Variants in MCC observed in about 807,000 individuals in gnomAD.
MCC encodes MCC regulator of Wnt signaling pathway.
In MCC, 90 loss-of-function variants were observed where a neutral mutation model predicts 116.2. The ratio of observed to expected loss-of-function variants is 0.77; its 90% CI spans 0.65 to 0.92. The LOEUF is 0.92. Ranked by LOEUF, MCC falls within the 40% of genes least tolerant of loss-of-function variation. The probability of loss-of-function intolerance (pLI) is 0.00; values close to 1 mark genes in which losing one functional copy is unlikely to be tolerated. For synonymous variants in MCC, 578 were observed against 510.5 expected (o/e 1.13, Z -1.78); for missense variants, 1,516 against 1,312.2 (o/e 1.16, Z -2.40).
At chr5:113,488,173 C>T (rs1772598421) in intron 1 of MCC, 72 bp downstream of exon 1, 5 of 1,438,732 alleles carry the variant, frequency 3.5e-6, no homozygotes, top group South Asian at 1.4e-5. Context: ...GGCGAGGGGG[C>T]AGAGCAGGGG....
At chr5:113,469,588 G>A (rs1037295162) in intron 1 of MCC, among the ~76,000 whole-genome samples, 2 of 152,178 alleles carry the variant, frequency 1.3e-5, no homozygotes, top group Non-Finnish European at 2.9e-5. Flanking sequence ...TTGCTGAGGA[G>A]TGCTTTACTT....
Position 113,064,160 on chromosome 5 carries a change from C to G in MCC, c.2037G>C (p.Gln679His). The change falls in exon 14 of 19, where the codon CAG becomes CAC. Residue 679 changes from glutamine (Q) to histidine (H), a missense_variant. Gln to His is a conservative substitution (Grantham distance 24, BLOSUM62 0). Coordinates refer to ENST00000408903, the MANE Select transcript of MCC (RefSeq NM_001085377.2). The part of the protein sequence containing the change: ...AAGVGSSPGD[Q>H]SGDENITQML... ...TCTGAGTGATGTTTTCATCCCCCGACTGGTCTCCTATGTGGCAGAGAAGCC... is the reference window on the plus strand; with the variant it reads ...TCTGAGTGATGTTTTCATCCCCCGAGTGGTCTCCTATGTGGCAGAGAAGCC... 6.2e-7 allele frequency: 1 copy of G among 1,610,434 alleles called. No individual in the cohort carries two copies. The highest frequency in any genetic ancestry group is 8.5e-7 in the Non-Finnish European group (1 of 1,177,794).
intron 11 of MCC, 147 bp from the exon 12 acceptor site, chr5:113,071,381 C>A: frequency 1.2e-6 from 1 of 813,452 alleles, no homozygotes; most frequent in African/African-American, 1.7e-5. Flanking sequence ...GTCAAAGAAG[C>A]AACTCTACAT....
chr5:113,372,904 C>T (rs945528388), intron 2 of MCC, among the ~76,000 whole-genome samples: 42 of 150,488 alleles, frequency 2.8e-4, no homozygotes, highest in Non-Finnish European at 4.7e-4. Context: ...TCTGTCCGGG[C>T]GTGGTGGCTC....
chr5:113,063,106 G>A (rs1422451010), intron 14 of MCC, among the ~76,000 whole-genome samples: 1 of 152,196 alleles, frequency 6.6e-6, no homozygotes, highest in African/African-American at 2.4e-5. Context: ...CTGAGCCAAG[G>A]TTTCCTAACC....
chr5:113,324,146 T>C (rs1767490737), intron 3 of MCC, among the ~76,000 whole-genome samples: 1 of 152,194 alleles, frequency 6.6e-6, no homozygotes, highest in Admixed American at 6.5e-5. Context: ...AGGATTTTGC[T>C]GGTTTCTATA....
intron 8 of MCC, among the ~76,000 whole-genome samples, chr5:113,087,738 T>G (rs1355864252): frequency 1.3e-5 from 2 of 151,580 alleles, no homozygotes; most frequent in Admixed American, 6.6e-5. Context: ...CAATCAGTGG[T>G]CTGTTCTTAG....
chr5:113,185,580 CA>C (rs1561437916), intron 3 of MCC, among the ~76,000 whole-genome samples: 1 of 152,050 alleles, frequency 6.6e-6, no homozygotes. Flanking sequence ...TGACAGCTGA[CA>C]AAAAGGTAAG....
intron 2 of MCC, among the ~76,000 whole-genome samples, chr5:113,378,151 T>C (rs987330779): frequency 1.3e-5 from 2 of 152,244 alleles, no homozygotes; most frequent in African/African-American, 4.8e-5. Flanking sequence ...AGGCTGCTTA[T>C]TGTTTCTTTA....
chr5:113,218,618 A>G (rs1368359670), intron 3 of MCC, among the ~76,000 whole-genome samples: 2 of 152,260 alleles, frequency 1.3e-5, no homozygotes, highest in Admixed American at 1.3e-4. Context: ...TGCGAGTTAA[A>G]AAATGTTAAA....
intron 3 of MCC, among the ~76,000 whole-genome samples, chr5:113,300,711 G>A (rs926753128): frequency 2.6e-5 from 4 of 152,018 alleles, no homozygotes; most frequent in Non-Finnish European, 2.9e-5. Flanking sequence ...CTCTCCCACC[G>A]CTGTGACTCC....
At chr5:113,071,263 C>A (rs79420400) in intron 11 of MCC, 29 bp from the exon 12 acceptor site, 49,141 of 1,606,902 alleles carry the variant, frequency 0.031, 1,045 homozygotes, top group East Asian at 0.081. Flanking sequence ...CAGATTCACA[C>A]TAGGGTTACA....
At chr5:113,122,648 A>G in intron 6 of MCC, 36 bp downstream of exon 6, 3 of 1,603,926 alleles carry the variant, frequency 1.9e-6, no homozygotes, top group Non-Finnish European at 2.6e-6. Flanking sequence ...TCCAGAAACC[A>G]AACTCTGGCT....
intron 1 of MCC, among the ~76,000 whole-genome samples, chr5:113,455,075 T>A (rs1220016449): frequency 6.6e-6 from 1 of 152,118 alleles, no homozygotes; most frequent in Non-Finnish European, 1.5e-5. Context: ...TGTTTGCTTA[T>A]CCTCCCACCG....
chr5:113,301,877 GA>G (rs1215262020), intron 3 of MCC, among the ~76,000 whole-genome samples: 1 of 152,212 alleles, frequency 6.6e-6, no homozygotes, highest in East Asian at 1.9e-4. Flanking sequence ...AAATCGTGCA[GA>G]ATATGTATAG....
At chr5:113,279,358 G>A (rs759501638) in intron 3 of MCC, among the ~76,000 whole-genome samples, 5 of 152,086 alleles carry the variant, frequency 3.3e-5, no homozygotes, top group Non-Finnish European at 5.9e-5. Context: ...TATTGTGAAT[G>A]AAATTCACCC....
intron 3 of MCC, among the ~76,000 whole-genome samples, chr5:113,263,556 A>G (rs554392428): frequency 5.9e-5 from 9 of 152,284 alleles, no homozygotes; most frequent in African/African-American, 1.9e-4. Context: ...AAATGTACAC[A>G]TTTTCAGCAA....
rs537575369 is a variant in MCC at position 113,395,923 on chromosome 5, G to A, written c.171-10711C>T. On this transcript the variant is annotated intron_variant, in intron 1 of 18. Coordinates refer to ENST00000408903, the MANE Select transcript of MCC (RefSeq NM_001085377.2). ...GGACTGGGAAATGGGAGAGGGGAAG[G>A]CAGCATCAGTATTTGTTAAAAGGCT... Among the ~76,000 whole-genome samples the A allele has an allele frequency of 2.6e-5, 4 of 152,296 alleles. No individual in the cohort carries two copies. In the South Asian group the frequency reaches 8.3e-4, roughly 32 times the overall value.
chr5:113,196,612 A>C (rs1468134495), intron 3 of MCC, among the ~76,000 whole-genome samples: 1 of 152,194 alleles, frequency 6.6e-6, no homozygotes, highest in Non-Finnish European at 1.5e-5. Context: ...GCACTTTGGG[A>C]GGCCAAGGTG....
Sources: gnomAD v4.1 joint callset for allele counts (sites outside exome capture counted in the v4.1 genomes callset) on GRCh38, gnomAD v4.1.1 for gene constraint, MANE v1.5 for transcripts, NCBI Gene and HGNC (gene_info 2026-07-23, HGNC 2026-07-21) for gene names.